Variants in GPR146 observed in about 807,000 individuals in gnomAD.
The protein encoded by GPR146 is G-protein coupled receptor 146.
For synonymous variants in GPR146, 203 were observed against 104.3 expected, an observed-to-expected ratio of 1.95 and a Z score of -5.77; for missense variants, 381 against 213.9, an observed-to-expected ratio of 1.78 and a Z score of -4.87.
intron 1 of GPR146, among the ~76,000 whole-genome samples, chr7:1,050,067 C>T (rs770145632): frequency 3.3e-5 from 5 of 152,234 alleles, no homozygotes; most frequent in Non-Finnish European, 5.9e-5. Context: ...CCTCAGCGGG[C>T]CCCACTCTGA....
At chr7:1,050,423 C>T (rs1782993255) in intron 1 of GPR146, among the ~76,000 whole-genome samples, 1 of 152,246 alleles carries the variant, frequency 6.6e-6, no homozygotes, top group African/African-American at 2.4e-5. Context: ...ACGGGCTGCC[C>T]AAGCCAACCA....
chr7:1,044,877 T>C (rs1782433615), intron 1 of GPR146, among the ~76,000 whole-genome samples: 1 of 152,264 alleles, frequency 6.6e-6, no homozygotes, highest in African/African-American at 2.4e-5. Context: ...GGGGGCGGGC[T>C]TTCGGTCATT....
chr7:1,058,767 C>G lies in GPR146; in HGVS notation c.*250C>G, dbSNP rs1784156562. ...CAAACACGCAGCTCAAGGTCCACAT[C>G]CGCAAAAGCCTCCTCGCCTTCAGCC... On this transcript the variant is annotated 3_prime_UTR_variant, in exon 2 of 2. Coordinates refer to ENST00000444847, the MANE Select transcript of GPR146 (RefSeq NM_001303473.2). 1.9e-6 allele frequency: 1 copy of G among 539,056 alleles called. No homozygotes were observed. Among genetic ancestry groups the G allele is most frequent in the African/African-American group, 1.9e-5 (1 of 52,868 alleles). The allele number at this position is 539,056 out of a possible 1,614,324, so 33.4% of individuals were successfully genotyped here. A position where few individuals can be genotyped will look rare whatever the true frequency, so the allele number is the denominator to read the frequency against.
chr7:1,055,418 C>T (rs1338886697), intron 1 of GPR146: 14 of 468,400 alleles, frequency 3.0e-5, no homozygotes, highest in South Asian at 4.6e-5. Flanking sequence ...ACCTCTGTCC[C>T]GCCATGCTGC....
chr7:1,053,834 C>T (rs1028945501), intron 1 of GPR146, among the ~76,000 whole-genome samples: 3 of 151,972 alleles, frequency 2.0e-5, no homozygotes, highest in African/African-American at 7.3e-5. Context: ...CTCAAAAAAA[C>T]AAAAACAAAA....
At chr7:1,055,627 A>T (rs1783658991) in intron 1 of GPR146, 1 of 345,594 alleles carries the variant, frequency 2.9e-6, no homozygotes, top group Non-Finnish European at 5.8e-6. Context: ...ACCGGTGGAC[A>T]TCTCTAAGTA....
intron 1 of GPR146, chr7:1,055,380 G>A (rs1459572310): frequency 3.0e-5 from 14 of 470,540 alleles, no homozygotes; most frequent in South Asian, 4.6e-5. Context: ...GCAGCAGCGC[G>A]CAGGTCCTCA....
Position 1,058,720 on chromosome 7 carries a change from T to A in GPR146, c.*203T>A. ...CCGTGGCTGGCATCTGGCTTGAGTCTCCCCGAGGCCTGTGCGTCTCCCAAA... is the reference window on the plus strand; with the variant it reads ...CCGTGGCTGGCATCTGGCTTGAGTCACCCCGAGGCCTGTGCGTCTCCCAAA... On this transcript the variant is annotated 3_prime_UTR_variant, in exon 2 of 2. Coordinates refer to ENST00000444847, the MANE Select transcript of GPR146 (RefSeq NM_001303473.2). 2 of 596,112 alleles carry A rather than the reference T, an allele frequency of 3.4e-6. No individual in the cohort carries two copies. Among genetic ancestry groups the A allele is most frequent in the South Asian group, 4.2e-5 (2 of 47,312 alleles). The allele number at this position is 596,112 out of a possible 1,614,324, so 36.9% of individuals were successfully genotyped here.
rs893513194 is a variant in GPR146, at chr7:1,058,453, A to G, written c.938A>G (p.Lys313Arg). 3 of 780,390 alleles carry G rather than the reference A, an allele frequency of 3.8e-6. No homozygotes were observed. The highest frequency in any genetic ancestry group is 4.8e-6 in the Non-Finnish European group (2 of 418,116). 48.3% of individuals were successfully genotyped at this position (780,390 alleles called of 1,614,324 possible). Residue 313 changes from lysine to arginine, a missense_variant, in exon 2 of 2, where the codon AAG becomes AGG. By Grantham distance (26) the Lys-to-Arg change is conservative (BLOSUM62 2). Coordinates refer to ENST00000444847, the MANE Select transcript of GPR146 (RefSeq NM_001303473.2). ...FPSKLQRLMK[K>R]LPCGDRHCSP... ...AGCAAGCTCCAACGGCTGATGAAAA[A>G]GCTGCCCTGCGGGGACCGGCACTGC... is the stretch of plus-strand genomic sequence containing the variant.
At chr7:1,057,259 TC>T (rs1245665559) in intron 1 of GPR146, among the ~76,000 whole-genome samples, 1 of 151,824 alleles carries the variant, frequency 6.6e-6, no homozygotes, top group East Asian at 1.9e-4. Context: ...CCCTCTCTGG[TC>T]CCCAACCCCA....
At chr7:1,046,829 C>T (rs529477829) in intron 1 of GPR146, among the ~76,000 whole-genome samples, 102 of 152,326 alleles carry the variant, frequency 6.7e-4, no homozygotes, top group African/African-American at 2.2e-3. Flanking sequence ...AGACCACTGT[C>T]GCTACCACAG....
intron 1 of GPR146, among the ~76,000 whole-genome samples, chr7:1,047,650 C>G (rs1466565844): frequency 1.3e-5 from 2 of 152,276 alleles, no homozygotes; most frequent in African/African-American, 4.8e-5. Flanking sequence ...GGTTGAGCGT[C>G]TCATGGTGCA....
chr7:1,053,264 T>C (rs1184230895), intron 1 of GPR146, among the ~76,000 whole-genome samples: 2 of 152,180 alleles, frequency 1.3e-5, no homozygotes, highest in Non-Finnish European at 2.9e-5. Flanking sequence ...GGCAGGCACA[T>C]GGGGCCCAGG....
At chr7:1,051,738 C>T (rs1453092125) in intron 1 of GPR146, among the ~76,000 whole-genome samples, 2 of 152,238 alleles carry the variant, frequency 1.3e-5, no homozygotes, top group African/African-American at 4.8e-5. Context: ...CTTTGGGAGA[C>T]TGAGGCAGGA....
At chr7:1,047,199 C>T (rs375967163) in intron 1 of GPR146, among the ~76,000 whole-genome samples, 1 of 152,248 alleles carries the variant, frequency 6.6e-6, no homozygotes. Context: ...GCTGCAGGCA[C>T]AGGTGCCCAG....
At chr7:1,047,248 C>T (rs1260363004) in intron 1 of GPR146, among the ~76,000 whole-genome samples, 1 of 152,208 alleles carries the variant, frequency 6.6e-6, no homozygotes, top group Non-Finnish European at 1.5e-5. Context: ...GTCTCAGGCC[C>T]CCAGAGCCCG....
Position 1,057,677 on chromosome 7 carries a change from C to A in GPR146, c.162C>A (p.His54Gln), listed in dbSNP as rs1191907536. ...CCCTGCTGGTGCTGGCCAACCTACA[C>A]AGCAAGGCCAGCATGACCATGCCGG... Reference protein sequence around the residue: ...YNALLVLANLHSKASMTMPDV... With the variant: ...YNALLVLANLQSKASMTMPDV... Residue 54 changes from histidine to glutamine, a missense_variant, in exon 2 of 2, where the codon CAC becomes CAA. Transcript: ENST00000444847. The A allele has an allele frequency of 1.3e-6, 1 of 772,348 alleles. No individual in the cohort carries two copies. Among genetic ancestry groups the A allele is most frequent in the Non-Finnish European group, 2.4e-6 (1 of 416,096 alleles). 47.8% of individuals were successfully genotyped at this position (772,348 alleles called of 1,614,324 possible).
rs963770538 is a variant in GPR146 at position 1,052,723 on chromosome 7, C to T, written c.-24-4769C>T. Among the ~76,000 whole-genome samples, 13 of 152,040 alleles carry T rather than the reference C, an allele frequency of 8.6e-5. No homozygotes were observed. The highest frequency in any genetic ancestry group is 1.9e-4 in the African/African-American group (8 of 41,366). ...GGCCCCGGAAGCTGAATATCACCCC[C>T]GCCACCGGGCAGGCAGTGCTCAGAG... On this transcript the variant is annotated intron_variant, in intron 1 of 1. Transcript: ENST00000444847. The surrounding 1 kb of genome is among the most constrained non-coding windows in gnomAD (Gnocchi z 4.2).
At chr7:1,046,104 A>T (rs540054097) in intron 1 of GPR146, among the ~76,000 whole-genome samples, 18 of 152,368 alleles carry the variant, frequency 1.2e-4, no homozygotes, top group African/African-American at 4.1e-4. Context: ...TCAATGGCAT[A>T]CTGCACAGAT....
Sources: gnomAD v4.1 joint callset for allele counts (sites outside exome capture counted in the v4.1 genomes callset) on GRCh38, gnomAD v4.1.1 for gene constraint, Gnocchi (gnomAD v3.1) non-coding constraint, MANE v1.5 for transcripts, NCBI Gene and HGNC (gene_info 2026-07-23, HGNC 2026-07-21) for gene names.